TOPBP1: variants seen among roughly 807,000 people sequenced by gnomAD.
The protein encoded by TOPBP1 is DNA topoisomerase 2-binding protein 1.
In TOPBP1, 28 loss-of-function variants were observed where a neutral mutation model predicts 167.7. The observed-to-expected ratio is 0.17, with a 90% CI of 0.12 to 0.23. The LOEUF (loss-of-function observed/expected upper bound fraction) is 0.23. Among genes scored for constraint, TOPBP1 ranks in the 10% least tolerant of loss-of-function variants. The probability of loss-of-function intolerance (pLI) is 1.00; values close to 1 mark genes in which losing one functional copy is unlikely to be tolerated. For synonymous variants in TOPBP1, 598 were observed against 611.4 expected, an observed-to-expected ratio of 0.98 and a Z score of 0.32; for missense variants, 1,554 against 1,809.6, an observed-to-expected ratio of 0.86 and a Z score of 2.56.
chr3:133,616,530 TA>T (rs1553722296), intron 23 of TOPBP1, among the ~76,000 whole-genome samples: 1 of 152,232 alleles, frequency 6.6e-6, no homozygotes. Context: ...ATTTATATAG[TA>T]AGTCTTTAAA....
intron 16 of TOPBP1, 126 bp from the exon 17 acceptor site, chr3:133,624,301 AC>A: frequency 9.2e-7 from 1 of 1,082,498 alleles, no homozygotes; most frequent in Non-Finnish European, 1.3e-6. Context: ...AGTAAACAAG[AC>A]CATTAAAATG....
At chr3:133,638,206 C>T (rs1043042827) in intron 13 of TOPBP1, 44 bp from the exon 14 acceptor site, 4 of 1,548,050 alleles carry the variant, frequency 2.6e-6, no homozygotes, top group Non-Finnish European at 3.5e-6. Flanking sequence ...GCCACTAATG[C>T]CCACTTTTTC....
chr3:133,648,774 C>T (rs547526005), intron 10 of TOPBP1, among the ~76,000 whole-genome samples: 27 of 151,174 alleles, frequency 1.8e-4, no homozygotes, highest in African/African-American at 4.1e-4. Flanking sequence ...CTCCAGCCTG[C>T]GCAACAAGAG....
chr3:133,606,712 A>G (rs145840422), intron 27 of TOPBP1, among the ~76,000 whole-genome samples: 1,553 of 152,264 alleles, frequency 0.01, 11 homozygotes, highest in Non-Finnish European at 0.016. Context: ...ACTCACAAAA[A>G]TACGATCATT....
intron 10 of TOPBP1, among the ~76,000 whole-genome samples, chr3:133,646,936 GT>G (rs1936094564): frequency 6.6e-6 from 1 of 152,162 alleles, no homozygotes; most frequent in South Asian, 2.1e-4. Context: ...ACATTAAGTA[GT>G]TACTAAAGCT....
intron 12 of TOPBP1, 135 bp downstream of exon 12, chr3:133,643,065 G>A (rs1935948680): frequency 2.7e-6 from 2 of 751,804 alleles, no homozygotes; most frequent in Non-Finnish European, 3.8e-6. Flanking sequence ...AGCAGTGGGA[G>A]TGGAGAAGGA....
intron 14 of TOPBP1, among the ~76,000 whole-genome samples, chr3:133,634,697 G>A (rs1935609252): frequency 6.6e-6 from 1 of 152,074 alleles, no homozygotes; most frequent in Admixed American, 6.6e-5. Flanking sequence ...AAAACTGCAA[G>A]CTAAGAATAG....
chr3:133,658,845 A>G (rs1936578560), intron 3 of TOPBP1, among the ~76,000 whole-genome samples, 171 bp downstream of exon 3: 1 of 152,198 alleles, frequency 6.6e-6, no homozygotes, highest in East Asian at 1.9e-4. Context: ...AAACAAAAAA[A>G]GCCTACTGTA....
chr3:133,631,941 A>C (rs960629252), intron 14 of TOPBP1, among the ~76,000 whole-genome samples: 6 of 151,604 alleles, frequency 4.0e-5, no homozygotes, highest in Non-Finnish European at 7.4e-5. Flanking sequence ...CCTGGCTGAT[A>C]TCCAGTTGTT....
chr3:133,650,942 T>C (rs2107826458), intron 8 of TOPBP1, among the ~76,000 whole-genome samples: 1 of 151,948 alleles, frequency 6.6e-6, no homozygotes, highest in African/African-American at 2.4e-5. Context: ...AACCCTCACC[T>C]CTACTAAAAA....
At position 133,638,108 on chromosome 3, in the gene TOPBP1, G is replaced by C. The variant is rs1406134111; in HGVS notation, c.2288C>G (p.Ala763Gly). Reference protein sequence around the residue: ...TNGINLNSDTAEHPGTRLQTH... With the variant: ...TNGINLNSDTGEHPGTRLQTH... ...TTGCAGGCGTGTGCCAGGATGCTCT[G>C]CAGTATCTGAATTTAGATTGATTCC... Residue 763 changes from alanine (A) to glycine (G), a missense_variant, in exon 14 of 28, where the codon GCA (alanine) becomes GGA (glycine). Coordinates refer to ENST00000260810, the MANE Select transcript of TOPBP1 (RefSeq NM_007027.4). The C allele has an allele frequency of 2.5e-6, 4 of 1,613,832 alleles. No individual in the cohort carries two copies. Among genetic ancestry groups the C allele is most frequent in the Non-Finnish European group, 3.4e-6 (4 of 1,179,870 alleles).
intron 27 of TOPBP1, among the ~76,000 whole-genome samples, chr3:133,605,578 C>T (rs1387854006): frequency 1.3e-5 from 2 of 151,922 alleles, no homozygotes; most frequent in Non-Finnish European, 2.9e-5. Context: ...AAAGTTAACC[C>T]CAATTAATGA....
intron 9 of TOPBP1, 41 bp downstream of exon 9, chr3:133,649,739 T>C (rs1022539084): frequency 2.5e-6 from 4 of 1,582,372 alleles, no homozygotes; most frequent in South Asian, 1.2e-5. Context: ...TTAAGAAAAA[T>C]TATGTAGTAG....
chr3:133,612,030 C>T (rs1934697753), intron 24 of TOPBP1, among the ~76,000 whole-genome samples: 1 of 151,482 alleles, frequency 6.6e-6, no homozygotes, highest in Non-Finnish European at 1.5e-5. Flanking sequence ...CCAGCCACTG[C>T]CAGCCAACAC....
At position 133,644,042 on chromosome 3, in the gene TOPBP1, T is replaced by A; in HGVS notation, c.1826A>T (p.Glu609Val). The A allele has an allele frequency of 6.2e-7, 1 of 1,603,558 alleles. No homozygotes were observed. Among genetic ancestry groups the A allele is most frequent in the Non-Finnish European group, 8.5e-7 (1 of 1,175,500 alleles). The change falls in exon 11 of 28, where the codon GAA becomes GTA. Residue 609 changes from glutamate (E) to valine (V), a missense_variant. By Grantham distance (121) the Glu-to-Val change is moderately radical. Transcript: ENST00000260810. ...LGCEVEATVG[E>V]VVTNTWLVTC... ...TACCAGCCATGTATTTGTAACAACT[T>A]CTCCCACAGTGGCTTCCACTTCACA...
intron 23 of TOPBP1, among the ~76,000 whole-genome samples, chr3:133,613,778 C>G (rs1000227139): frequency 6.8e-6 from 1 of 146,854 alleles, no homozygotes; most frequent in African/African-American, 2.5e-5. Flanking sequence ...TTAGTTATAT[C>G]AAGGACTTTT....
At position 133,644,164 on chromosome 3, in the gene TOPBP1, T is replaced by C. The variant is rs1403721155; in HGVS notation, c.1704A>G (p.Glu568=). The change falls in exon 11 of 28, where the codon GAA becomes GAG. Residue 568 remains glutamate (E), a synonymous_variant. Transcript: ENST00000260810. ...FLVLGFSNEN[E]SNIANIIKEN... ...CTTTTATGATGTTTGCGATGTTAGATTCATTTTCATTACTAAAACCCAAAA... is the reference window on the plus strand; with the variant it reads ...CTTTTATGATGTTTGCGATGTTAGACTCATTTTCATTACTAAAACCCAAAA... 2 of 1,613,922 alleles carry C rather than the reference T, an allele frequency of 1.2e-6. No individual in the cohort carries two copies. The highest frequency in any genetic ancestry group is 1.7e-6 in the Non-Finnish European group (2 of 1,179,870).
rs377714715 is a variant in TOPBP1 at position 133,612,417 on chromosome 3, G to C, written c.4007C>G (p.Ala1336Gly). Reference protein sequence around the residue: ...KWVLHRSYLEACRTAGHFVQE... With the variant: ...KWVLHRSYLEGCRTAGHFVQE... ...CACGAAGTGTCCAGCAGTCCTGCAG[G>C]CTTCAAGGTAGGAGCGATGAAGCAC... The change falls in exon 24 of 28, where the codon GCC (alanine) becomes GGC (glycine). Residue 1336 changes from alanine (A) to glycine (G), a missense_variant. By Grantham distance (60) the Ala-to-Gly change is moderately conservative. Coordinates refer to ENST00000260810, the MANE Select transcript of TOPBP1 (RefSeq NM_007027.4). 3 of 1,613,916 alleles carry C rather than the reference G, an allele frequency of 1.9e-6. No individual in the cohort carries two copies. The highest frequency in any genetic ancestry group is 2.2e-5 in the East Asian group (1 of 44,878).
rs187643695 is a variant in TOPBP1, at chr3:133,602,339, A to G, written c.4426-946T>C. Among the ~76,000 whole-genome samples the G allele has an allele frequency of 1.4e-4, 21 of 152,374 alleles. No individual in the cohort carries two copies. In the East Asian group the frequency reaches 4.0e-3, roughly 29 times the overall value. ...AATGAAGGTAGAATAGACATTTCATACAACAGAAAGCTAGAATTGATCCCC... is the reference window on the plus strand; with the variant it reads ...AATGAAGGTAGAATAGACATTTCATGCAACAGAAAGCTAGAATTGATCCCC... On this transcript the variant is annotated intron_variant, in intron 27 of 27. Transcript: ENST00000260810.
Sources: gnomAD v4.1 joint callset for allele counts (sites outside exome capture counted in the v4.1 genomes callset) on GRCh38, gnomAD v4.1.1 for gene constraint, MANE v1.5 for transcripts, NCBI Gene and HGNC (gene_info 2026-07-23, HGNC 2026-07-21) for gene names.